KIF26B: variants seen among roughly 807,000 people sequenced by gnomAD.
KIF26B encodes kinesin family member 26B.
Under a neutral mutation model 151.2 loss-of-function variants are expected in KIF26B, and 63 were observed. The observed-to-expected ratio is 0.42, with a 90% CI of 0.34 to 0.51. KIF26B has a LOEUF of 0.51. KIF26B is among the 20% of genes least tolerant of loss of function. The pLI is 0.07. For synonymous variants in KIF26B, 1,357 were observed against 1,262.1 expected (o/e 1.08, Z -1.59); for missense variants, 2,813 against 2,913.6 (o/e 0.97, Z 0.79).
intron 2 of KIF26B, among the ~76,000 whole-genome samples, chr1:245,190,568 G>A (rs1300697355): frequency 6.8e-6 from 1 of 146,650 alleles, no homozygotes; most frequent in African/African-American, 2.6e-5. Flanking sequence ...CCTAATTCCT[G>A]TTCCAGTATC....
intron 5 of KIF26B, among the ~76,000 whole-genome samples, chr1:245,557,118 G>A (rs561017939): frequency 6.6e-6 from 1 of 152,370 alleles, no homozygotes; most frequent in South Asian, 2.1e-4. Flanking sequence ...GGCCATGTAT[G>A]TGGGACACTT....
chr1:245,410,734 C>T (rs1022092422), intron 3 of KIF26B, among the ~76,000 whole-genome samples: 1 of 152,162 alleles, frequency 6.6e-6, no homozygotes, highest in African/African-American at 2.4e-5. Flanking sequence ...CCCCACCTGG[C>T]CTTCTTTCTT....
chr1:245,520,599 T>C (rs57882640), intron 4 of KIF26B, among the ~76,000 whole-genome samples: 16,538 of 95,850 alleles, frequency 0.17, 1,064 homozygotes, highest in Admixed American at 0.2. Context: ...CATCCATCCA[T>C]CCACCCACCC....
intron 10 of KIF26B, among the ~76,000 whole-genome samples, chr1:245,662,436 ATATATAT>A (rs1221411063): frequency 2.3e-4 from 2 of 8,818 alleles, no homozygotes; most frequent in African/African-American, 2.2e-3. Context: ...CACATACCCG[ATATATAT>A]ATATATATAT....
In KIF26B at chr1:245,219,127, C is replaced by CTTTTTTTTTTTT. The variant is rs1166578525; in HGVS notation, c.465+62462_465+62473dup. 1.3e-3 allele frequency among the ~76,000 whole-genome samples: 71 copies of CTTTTTTTTTTTT among 56,186 alleles called. 7 individuals are homozygous for CTTTTTTTTTTTT. The highest frequency in any genetic ancestry group is 4.6e-3 in the African/African-American group (71 of 15,298). The allele number at this position is 56,186 out of a possible 152,430, so 36.9% of individuals were successfully genotyped here. On this transcript the variant is annotated intron_variant, in intron 2 of 14. Coordinates refer to ENST00000407071, the MANE Select transcript of KIF26B (RefSeq NM_018012.4). ...CACAGGAGGTAGCAAATACCTACCT[C>CTTTTTTTTTTTT]TTTTTTTTTTTTTTTTTTTTTTTTT...
At position 245,682,802 on chromosome 1, in the gene KIF26B, C is replaced by T. The variant is rs374348661; in HGVS notation, c.2259-1431C>T. 5.3e-5 allele frequency among the ~76,000 whole-genome samples: 8 copies of T among 152,258 alleles called. No individual in the cohort carries two copies. In the East Asian group the frequency reaches 1.5e-3, roughly 29 times the overall value. On this transcript the variant is annotated intron_variant, in intron 10 of 14. Coordinates refer to ENST00000407071, the MANE Select transcript of KIF26B (RefSeq NM_018012.4). ...GACGCATCCAGGTGCAACGTCTCTG[C>T]TAAGAATGTGTGCCAGGAATGGGGC...
chr1:245,672,178 A>T (rs1372646090), intron 10 of KIF26B, among the ~76,000 whole-genome samples: 2 of 152,084 alleles, frequency 1.3e-5, no homozygotes, highest in Non-Finnish European at 2.9e-5. Flanking sequence ...TCGGGGAATA[A>T]CAGTCTTGGT....
At chr1:245,361,354 A>G (rs116289051) in intron 2 of KIF26B, among the ~76,000 whole-genome samples, 2 of 152,232 alleles carry the variant, frequency 1.3e-5, no homozygotes, top group Non-Finnish European at 2.9e-5. Flanking sequence ...TTATGTAGAA[A>G]AACTGCGGTC....
At chr1:245,547,854 A>G (rs1027963012) in intron 5 of KIF26B, among the ~76,000 whole-genome samples, 1 of 152,106 alleles carries the variant, frequency 6.6e-6, no homozygotes, top group African/African-American at 2.4e-5. Flanking sequence ...ACCCACAGTG[A>G]GCAGGGAGGA....
At chr1:245,430,182 A>G (rs1234411163) in intron 4 of KIF26B, among the ~76,000 whole-genome samples, 1 of 152,018 alleles carries the variant, frequency 6.6e-6, no homozygotes, top group Non-Finnish European at 1.5e-5. Flanking sequence ...GGTGACATGG[A>G]GTAGATTCAG....
Position 245,242,646 on chromosome 1 carries a change from TTTTGTTTG to T in KIF26B, c.465+85980_465+85987del, listed in dbSNP as rs34039863. On this transcript the variant is annotated intron_variant, in intron 2 of 14. Coordinates refer to ENST00000407071, the MANE Select transcript of KIF26B (RefSeq NM_018012.4). The stretch of plus-strand genomic sequence containing the variant: ...TGTTCCATTGTATATATATGTGGTT[TTTTGTTTG>T]TTTGTTTGTTTGTTTGAGATGGAAT... 1.3e-4 allele frequency among the ~76,000 whole-genome samples: 20 copies of T among 151,206 alleles called. No individual in the cohort carries two copies. In the East Asian group the frequency reaches 2.0e-3, roughly 15 times the overall value.
At chr1:245,481,559 T>C (rs1306580187) in intron 4 of KIF26B, among the ~76,000 whole-genome samples, 1 of 151,912 alleles carries the variant, frequency 6.6e-6, no homozygotes, top group African/African-American at 2.4e-5. Flanking sequence ...GATGTAATGC[T>C]TATTCCTGTT....
intron 2 of KIF26B, among the ~76,000 whole-genome samples, chr1:245,314,673 A>G (rs1671729385): frequency 6.6e-6 from 1 of 152,022 alleles, no homozygotes; most frequent in African/African-American, 2.4e-5. Context: ...CAGGATGGTC[A>G]TTTTCCAGCT....
chr1:245,521,696 T>C (rs1661114620), intron 4 of KIF26B, among the ~76,000 whole-genome samples: 1 of 152,206 alleles, frequency 6.6e-6, no homozygotes, highest in Non-Finnish European at 1.5e-5. Flanking sequence ...CTCATCCGTC[T>C]GTATTTGTGT....
intron 2 of KIF26B, among the ~76,000 whole-genome samples, chr1:245,303,300 G>A (rs866349072): frequency 9.7e-5 from 14 of 144,412 alleles, no homozygotes; most frequent in East Asian, 2.2e-4. Flanking sequence ...CCGGGTTCAC[G>A]CCATTCTCCT....
intron 2 of KIF26B, among the ~76,000 whole-genome samples, chr1:245,202,347 T>C (rs577850457): frequency 6.6e-6 from 1 of 152,302 alleles, no homozygotes; most frequent in Non-Finnish European, 1.5e-5. Flanking sequence ...CTAATCAGGT[T>C]TAGTGGGAAG....
chr1:245,671,796 C>T (rs10802243), intron 10 of KIF26B, among the ~76,000 whole-genome samples: 1 of 152,004 alleles, frequency 6.6e-6, no homozygotes, highest in East Asian at 1.9e-4. Context: ...GGACATGAAA[C>T]AATTTCCATA....
intron 2 of KIF26B, among the ~76,000 whole-genome samples, chr1:245,298,393 G>A (rs1014162367): frequency 1.3e-5 from 2 of 152,186 alleles, no homozygotes; most frequent in Admixed American, 6.5e-5. Flanking sequence ...ATTATGCCAA[G>A]TGAAATAAGC....
At chr1:245,637,756 T>G (rs2043850780) in intron 9 of KIF26B, among the ~76,000 whole-genome samples, 1 of 151,932 alleles carries the variant, frequency 6.6e-6, no homozygotes, top group Non-Finnish European at 1.5e-5. Context: ...ATTAAAGAGA[T>G]TGTCTTTTCC....
Sources: allele counts gnomAD v4.1 joint callset (sites outside exome capture counted in the v4.1 genomes callset), GRCh38; gene constraint gnomAD v4.1.1; transcripts MANE v1.5; gene names NCBI Gene and HGNC (gene_info 2026-07-23, HGNC 2026-07-21).